LDAH: variants seen among roughly 807,000 people sequenced by gnomAD.
LDAH encodes the protein lipid droplet-associated hydrolase.
A neutral mutation model predicts 29.6 loss-of-function variants in LDAH; 26 were observed. The observed-to-expected ratio is 0.88, with a 90% CI of 0.64 to 1.22. The LOEUF is 1.22. Ranked by LOEUF, LDAH falls within the 50% of genes most tolerant of loss-of-function variation. The probability of loss-of-function intolerance (pLI) is 0.00; values close to 1 mark genes in which losing one functional copy is unlikely to be tolerated. For synonymous variants in LDAH, 117 were observed against 133.0 expected, an observed-to-expected ratio of 0.88 and a Z score of 0.83; for missense variants, 344 against 387.3, an observed-to-expected ratio of 0.89 and a Z score of 0.94.
intron 1 of LDAH, among the ~76,000 whole-genome samples, chr2:20,821,720 C>A (rs1324131798): frequency 6.6e-6 from 1 of 152,040 alleles, no homozygotes; most frequent in African/African-American, 2.4e-5. Context: ...ACATATGTAA[C>A]AAACCTGCAC....
At chr2:20,688,385 G>C (rs6721038) in intron 6 of LDAH, among the ~76,000 whole-genome samples, 2 of 152,066 alleles carry the variant, frequency 1.3e-5, no homozygotes, top group Non-Finnish European at 2.9e-5. Context: ...GAGGCAGAGA[G>C]GGATGAGGTC....
In LDAH at chr2:20,781,683, C is replaced by A. The variant is rs543800636; in HGVS notation, c.299-6704G>T. Reference sequence around the variant, plus strand: ...TGAGCTACTCAGATACAGAAAGTCACAAACCTAAAAGGTGGAGACTGGCAA... The same window carrying A: ...TGAGCTACTCAGATACAGAAAGTCAAAAACCTAAAAGGTGGAGACTGGCAA... On this transcript the variant is annotated intron_variant, in intron 3 of 6. Coordinates refer to ENST00000237822, the MANE Select transcript of LDAH (RefSeq NM_021925.4). 7.2e-5 allele frequency among the ~76,000 whole-genome samples: 11 copies of A among 152,338 alleles called. 1 individual carries two copies. In the South Asian group the frequency reaches 2.3e-3, roughly 32 times the overall value.
chr2:20,805,038 C>T (rs1323866145), intron 1 of LDAH, among the ~76,000 whole-genome samples: 2 of 152,140 alleles, frequency 1.3e-5, no homozygotes, highest in Admixed American at 1.3e-4. Context: ...AGAGCACTGA[C>T]TGAGAAGACA....
In LDAH at chr2:20,694,797, G is replaced by A. The variant is rs927836160; in HGVS notation, c.786+6773C>T. Reference sequence around the variant, plus strand: ...TGGAACAACCATCTGTGTATACAGCGGTGTGCAGAGCAGCACTCTCCTTTC... The same window carrying A: ...TGGAACAACCATCTGTGTATACAGCAGTGTGCAGAGCAGCACTCTCCTTTC... On this transcript the variant is annotated intron_variant, in intron 6 of 6. Coordinates refer to ENST00000237822, the MANE Select transcript of LDAH (RefSeq NM_021925.4). Among the ~76,000 whole-genome samples, 4 of 152,184 alleles carry A rather than the reference G, an allele frequency of 2.6e-5. No homozygotes were observed. In the East Asian group the frequency reaches 7.7e-4, roughly 29 times the overall value.
At chr2:20,791,154 A>C (rs1670920126) in intron 2 of LDAH, among the ~76,000 whole-genome samples, 1 of 152,168 alleles carries the variant, frequency 6.6e-6, no homozygotes, top group Non-Finnish European at 1.5e-5. Flanking sequence ...GTCGAATTTC[A>C]CTGATTTCTA....
intron 6 of LDAH, among the ~76,000 whole-genome samples, chr2:20,700,599 G>C (rs954080317): frequency 6.6e-6 from 1 of 152,042 alleles, no homozygotes; most frequent in African/African-American, 2.4e-5. Context: ...GATCATTTCA[G>C]CAGGTATCAT....
At chr2:20,695,500 T>A (rs1488270401) in intron 6 of LDAH, among the ~76,000 whole-genome samples, 1 of 151,684 alleles carries the variant, frequency 6.6e-6, no homozygotes, top group African/African-American at 2.4e-5. Flanking sequence ...TTGCCCAGGC[T>A]GGAGTGCAGT....
chr2:20,764,196 A>G (rs184918150), intron 4 of LDAH, among the ~76,000 whole-genome samples: 1 of 152,192 alleles, frequency 6.6e-6, no homozygotes, highest in African/African-American at 2.4e-5. Context: ...TGTGCGCACA[A>G]ATATGCAGAT....
At chr2:20,734,766 T>C (rs901052116) in intron 5 of LDAH, among the ~76,000 whole-genome samples, 1 of 152,214 alleles carries the variant, frequency 6.6e-6, no homozygotes, top group Non-Finnish European at 1.5e-5. Context: ...TTCCTTCTTT[T>C]ATCATTTCCT....
intron 5 of LDAH, among the ~76,000 whole-genome samples, chr2:20,723,907 T>C (rs1558413908): frequency 6.6e-6 from 1 of 152,330 alleles, no homozygotes; most frequent in South Asian, 2.1e-4. Context: ...TTACTTTTGC[T>C]CCATTAAACA....
At position 20,756,191 on chromosome 2, in the gene LDAH, T is replaced by C. The variant is rs551574292; in HGVS notation, c.469-15986A>G. On this transcript the variant is annotated intron_variant, in intron 4 of 6. Transcript: ENST00000237822. ...CCAGGATTACAAGTGTGCGCCACCA[T>C]GCCCAGCTAATTTTTGTATTTTTAG... Among the ~76,000 whole-genome samples the C allele has an allele frequency of 3.1e-4, 47 of 152,178 alleles. No individual in the cohort carries two copies. In the South Asian group the frequency reaches 8.7e-3, roughly 28 times the overall value.
At chr2:20,733,255 T>C (rs1021058875) in intron 5 of LDAH, among the ~76,000 whole-genome samples, 3 of 151,952 alleles carry the variant, frequency 2.0e-5, no homozygotes, top group African/African-American at 7.2e-5. Context: ...TTTTTTGAGA[T>C]GCTTTCACTC....
intron 1 of LDAH, among the ~76,000 whole-genome samples, chr2:20,818,399 C>G (rs1673003661): frequency 6.6e-6 from 1 of 152,106 alleles, no homozygotes; most frequent in Non-Finnish European, 1.5e-5. Context: ...TGAAAACATA[C>G]AGGTGAAAGT....
At chr2:20,812,922 T>C (rs897469941) in intron 1 of LDAH, among the ~76,000 whole-genome samples, 4 of 152,220 alleles carry the variant, frequency 2.6e-5, no homozygotes, top group Non-Finnish European at 5.9e-5. Flanking sequence ...AGATGGGTAC[T>C]ATTATTTCAT....
chr2:20,765,257 C>T (rs1189929146), intron 4 of LDAH, among the ~76,000 whole-genome samples: 3 of 152,172 alleles, frequency 2.0e-5, no homozygotes, highest in South Asian at 2.1e-4. Context: ...AAATTCTCCC[C>T]TACTTACAGG....
chr2:20,782,808 G>A (rs988258977), intron 3 of LDAH, among the ~76,000 whole-genome samples: 2 of 151,456 alleles, frequency 1.3e-5, no homozygotes, highest in African/African-American at 4.9e-5. Flanking sequence ...ATAATTTCTT[G>A]TTTTCAACTT....
chr2:20,721,190 A>C (rs927550046), intron 5 of LDAH, among the ~76,000 whole-genome samples: 1 of 152,210 alleles, frequency 6.6e-6, no homozygotes, highest in African/African-American at 2.4e-5. Context: ...GTGAAGAAAC[A>C]GTCTACAGCA....
chr2:20,800,299 T>C (rs1242654552), intron 2 of LDAH, among the ~76,000 whole-genome samples: 3 of 152,194 alleles, frequency 2.0e-5, no homozygotes, highest in African/African-American at 7.2e-5. Flanking sequence ...AAATAAACAT[T>C]GTAAATGATG....
At chr2:20,813,459 A>C (rs1040204379) in intron 1 of LDAH, among the ~76,000 whole-genome samples, 20 of 152,202 alleles carry the variant, frequency 1.3e-4, no homozygotes, top group Non-Finnish European at 2.2e-4. Flanking sequence ...CATAATGTGG[A>C]TATACCATAA....
Sources: gnomAD v4.1 joint callset for allele counts (sites outside exome capture counted in the v4.1 genomes callset) on GRCh38, gnomAD v4.1.1 for gene constraint, MANE v1.5 for transcripts, NCBI Gene and HGNC (gene_info 2026-07-23, HGNC 2026-07-21) for gene names.